The following GRID2IP variants were observed in gnomAD, a reference collection of about 807,000 sequenced individuals.
GRID2IP encodes the protein delphilin.
A neutral mutation model predicts 114.3 loss-of-function variants in GRID2IP; 78 were observed. The observed-to-expected ratio is 0.68, with a 90% CI of 0.57 to 0.82. The LOEUF (loss-of-function observed/expected upper bound fraction) is 0.82. Among genes scored for constraint, GRID2IP ranks in the 40% least tolerant of loss-of-function variants. The pLI is 0.00. For missense variants in GRID2IP, 1,727 were observed against 1,678.5 expected, an observed-to-expected ratio of 1.03 and a Z score of -0.51; for synonymous variants, 809 against 724.0, an observed-to-expected ratio of 1.12 and a Z score of -1.89.
intron 4 of GRID2IP, among the ~76,000 whole-genome samples, chr7:6,522,632 C>T (rs746773675): frequency 6.6e-5 from 10 of 151,770 alleles, no homozygotes; most frequent in South Asian, 2.1e-4. Context: ...ACCATAGGCA[C>T]GCACCACCAC....
intron 2 of GRID2IP, among the ~76,000 whole-genome samples, chr7:6,539,046 T>C (rs1779774156): frequency 6.6e-6 from 1 of 152,126 alleles, no homozygotes; most frequent in South Asian, 2.1e-4. Context: ...GCCATTATCC[T>C]GTCTCAATAA....
intron 1 of GRID2IP, among the ~76,000 whole-genome samples, chr7:6,547,852 G>C (rs1377947328): frequency 2.0e-5 from 3 of 152,140 alleles, no homozygotes; most frequent in Admixed American, 2.0e-4. Flanking sequence ...AGAGTGGGTG[G>C]GGACCTGATG....
At position 6,526,285 on chromosome 7, in the gene GRID2IP, G is replaced by C. The variant is rs1468269625; in HGVS notation, c.858C>G (p.Asn286Lys). Reference sequence around the variant, plus strand: ...CGCGAAGTGTGAAGCCGAAGCTCTTGTTGCCTTTGTAGACTCGGACAGTCC... The same window carrying C: ...CGCGAAGTGTGAAGCCGAAGCTCTTCTTGCCTTTGTAGACTCGGACAGTCC... ...ARRTVRVYKG[N>K]KSFGFTLRGH... is the part of the protein sequence containing the mutation. The change falls in exon 4 of 22, where the codon AAC (asparagine) becomes AAG (lysine). Residue 286 changes from asparagine to lysine, a missense_variant. Transcript: ENST00000457091. This position sits in a 1 kb window ranked among gnomAD's most constrained non-coding sequence, Gnocchi z 7.6. 1 of 1,551,878 alleles carries C rather than the reference G, an allele frequency of 6.4e-7. No individual in the cohort carries two copies. The highest frequency in any genetic ancestry group is 1.7e-4 in the Middle Eastern group (1 of 6,016).
At chr7:6,504,176 T>C (rs901621076) in intron 15 of GRID2IP, among the ~76,000 whole-genome samples, 2 of 116,118 alleles carry the variant, frequency 1.7e-5, no homozygotes, top group Non-Finnish European at 3.6e-5. Context: ...GGGGCCCGGG[T>C]GGAAAGAGGG....
chr7:6,535,060 T>C (rs1234649536), intron 2 of GRID2IP, among the ~76,000 whole-genome samples: 3 of 152,212 alleles, frequency 2.0e-5, no homozygotes, highest in Non-Finnish European at 4.4e-5. Flanking sequence ...TAATTTTGTA[T>C]TTTTAGTAGT....
At chr7:6,500,570 G>A (rs1223737235) in intron 20 of GRID2IP, among the ~76,000 whole-genome samples, 1 of 152,224 alleles carries the variant, frequency 6.6e-6, no homozygotes, top group Non-Finnish European at 1.5e-5. Context: ...TCTCCTGCCT[G>A]AGAGGAAAGG....
intron 2 of GRID2IP, among the ~76,000 whole-genome samples, chr7:6,530,170 G>C (rs1250224553): frequency 1.3e-5 from 2 of 152,148 alleles, no homozygotes; most frequent in East Asian, 3.9e-4. Context: ...GTTTTAGCCA[G>C]AACGGTCTCA....
At chr7:6,510,789 G>T in intron 9 of GRID2IP, 83 bp from the exon 10 acceptor site, 1 of 1,468,834 alleles carries the variant, frequency 6.8e-7, no homozygotes, top group Non-Finnish European at 9.3e-7. Context: ...GCAGACCCAG[G>T]AGGGCCAATC....
At position 6,521,007 on chromosome 7, in the gene GRID2IP, G is replaced by C. The variant is rs1779401269; in HGVS notation, c.1085-246C>G. Among the ~76,000 whole-genome samples, 1 of 152,208 alleles carries C rather than the reference G, an allele frequency of 6.6e-6. No individual in the cohort carries two copies. The highest frequency in any genetic ancestry group is 2.1e-4 in the South Asian group (1 of 4,828). On this transcript the variant is annotated intron_variant, in intron 6 of 21. Transcript: ENST00000457091. This position sits in a 1 kb window ranked among gnomAD's most constrained non-coding sequence, Gnocchi z 4.1. Reference sequence around the variant, plus strand: ...TTGTTTTGAGACAGAGTCTTGCTCTGTTGCCCAGGCGGGAGTGCAATGGCG... The same window carrying C: ...TTGTTTTGAGACAGAGTCTTGCTCTCTTGCCCAGGCGGGAGTGCAATGGCG...
chr7:6,532,728 G>A lies in GRID2IP; in HGVS notation c.585-5959C>T, dbSNP rs1017559384. 8.5e-5 allele frequency among the ~76,000 whole-genome samples: 13 copies of A among 152,196 alleles called. No individual in the cohort carries two copies. Among genetic ancestry groups the A allele is most frequent in the Non-Finnish European group, 1.8e-4 (12 of 68,038 alleles). On this transcript the variant is annotated intron_variant, in intron 2 of 21. Transcript: ENST00000457091. The surrounding 1 kb of genome is among the most constrained non-coding windows in gnomAD (Gnocchi z 4.4). ...TTGGAGCCATTCCTGGTTGTATTGT[G>A]CCAGCTGCAGTGGCCCAGAATCCAG...
rs1786529777 is a variant in GRID2IP at position 6,504,845 on chromosome 7, G to T, written c.2658C>A (p.Phe886Leu). 5 of 1,551,280 alleles carry T rather than the reference G, an allele frequency of 3.2e-6. No individual in the cohort carries two copies. The South Asian group carries it at 5.9e-5, about 18-fold the overall frequency. The change falls in exon 15 of 22, where the codon TTC becomes TTA. Residue 886 changes from phenylalanine (F) to leucine (L), a missense_variant. Coordinates refer to ENST00000457091, the MANE Select transcript of GRID2IP (RefSeq NM_001145118.2). ...PAKPVPGPEPFRKKEVVEILS... is the reference protein window; with the variant it reads ...PAKPVPGPEPLRKKEVVEILS... The stretch of plus-strand genomic sequence containing the variant: ...GGATCTCCACCACCTCCTTCTTCCG[G>T]AAGGGCTCCGGCCCCGGCACCGGTT...
chr7:6,514,691 C>T lies in GRID2IP; in HGVS notation c.1269-162G>A, dbSNP rs754902615. 3.3e-5 allele frequency among the ~76,000 whole-genome samples: 5 copies of T among 152,208 alleles called. No homozygotes were observed. In the East Asian group the frequency reaches 9.6e-4, roughly 29 times the overall value. Reference sequence around the variant, plus strand: ...TGGGGGCCGGGCACAGTGGCTCACGCCTGTAATCCCAGCACTTTGAGAGGC... The same window carrying T: ...TGGGGGCCGGGCACAGTGGCTCACGTCTGTAATCCCAGCACTTTGAGAGGC... On this transcript the variant is annotated intron_variant, in intron 7 of 21. Coordinates refer to ENST00000457091, the MANE Select transcript of GRID2IP (RefSeq NM_001145118.2).
At chr7:6,517,814 A>T (rs1365973669) in intron 7 of GRID2IP, among the ~76,000 whole-genome samples, 1 of 152,048 alleles carries the variant, frequency 6.6e-6, no homozygotes, top group Non-Finnish European at 1.5e-5. Context: ...GAGGCAGGAG[A>T]CACACTTGAA....
At chr7:6,499,930 T>G (rs1786365384) in intron 20 of GRID2IP, among the ~76,000 whole-genome samples, 1 of 144,316 alleles carries the variant, frequency 6.9e-6, no homozygotes, top group Non-Finnish European at 1.5e-5. Flanking sequence ...GCGGTCCCCC[T>G]ATGTTGCCCA....
chr7:6,508,181 G>T lies in GRID2IP; in HGVS notation c.2348C>A (p.Ala783Glu), dbSNP rs867834456. Residue 783 changes from alanine (A) to glutamate (E), a missense_variant, in exon 13 of 22, where the codon GCG (alanine) becomes GAG (glutamate). Physicochemically the swap from Ala to Glu is moderately radical, Grantham distance 107. Transcript: ENST00000457091. The surrounding 1 kb of genome is among the most constrained non-coding windows in gnomAD (Gnocchi z 5.6). ...SSDGSRGPAQ[A>E]LAKPLTQLSH... is the part of the protein sequence containing the mutation. ...GAGTTGGGTGAGGGGCTTGGCCAGCGCCTGAGCAGGGCCCCGGGAACCATC... is the reference window on the plus strand; with the variant it reads ...GAGTTGGGTGAGGGGCTTGGCCAGCTCCTGAGCAGGGCCCCGGGAACCATC... The T allele has an allele frequency of 6.6e-7, 1 of 1,510,708 alleles. No individual in the cohort carries two copies. The allele number at this position is 1,510,708 out of a possible 1,614,324, so 93.6% of individuals were successfully genotyped here.
rs1779694175 is a variant in GRID2IP at position 6,534,648 on chromosome 7, T to C, written c.584+5070A>G. 6.6e-6 allele frequency among the ~76,000 whole-genome samples: 1 copy of C among 152,198 alleles called. No individual in the cohort carries two copies. Among genetic ancestry groups the C allele is most frequent in the African/African-American group, 2.4e-5 (1 of 41,450 alleles). On this transcript the variant is annotated intron_variant, in intron 2 of 21. Transcript: ENST00000457091. The surrounding 1 kb of genome is among the most constrained non-coding windows in gnomAD (Gnocchi z 4.5). ...TATGTCACTGTCACTGTTGTGTGCT[T>C]GGAATGTGGCTAGTGAGACTGAGAA...
chr7:6,550,474 C>T (rs1468667304), intron 1 of GRID2IP, among the ~76,000 whole-genome samples: 1 of 151,850 alleles, frequency 6.6e-6, no homozygotes, highest in Admixed American at 6.6e-5. Context: ...ATGCACTTTA[C>T]ACCTATAGTA....
chr7:6,529,258 C>G (rs978516651), intron 2 of GRID2IP, among the ~76,000 whole-genome samples: 1 of 152,120 alleles, frequency 6.6e-6, no homozygotes, highest in African/African-American at 2.4e-5. Context: ...CGAGACCAGC[C>G]TGGCCAAAGT....
chr7:6,514,821 G>A (rs987263436), intron 7 of GRID2IP, among the ~76,000 whole-genome samples: 1 of 151,736 alleles, frequency 6.6e-6, no homozygotes, highest in African/African-American at 2.4e-5. Flanking sequence ...GTGTGGTGGT[G>A]CACACCTGTA....
Sources: gnomAD v4.1 joint callset for allele counts (sites outside exome capture counted in the v4.1 genomes callset) on GRCh38, gnomAD v4.1.1 for gene constraint, Gnocchi (gnomAD v3.1) non-coding constraint, MANE v1.5 for transcripts, NCBI Gene and HGNC (gene_info 2026-07-23, HGNC 2026-07-21) for gene names.